The following AZIN2 variants were observed in gnomAD, a reference collection of about 807,000 sequenced individuals.
The protein encoded by AZIN2 is antizyme inhibitor 2.
Under a neutral mutation model 47.8 loss-of-function variants are expected in AZIN2, and 28 were observed. The observed-to-expected ratio is 0.59, with a 90% confidence interval of 0.43 to 0.80. AZIN2 has a LOEUF of 0.80. Ranked by LOEUF, AZIN2 falls within the 30% of genes least tolerant of loss-of-function variation. The pLI is 0.00. For missense variants in AZIN2, 535 were observed against 582.5 expected (o/e 0.92, Z 0.84); for synonymous variants, 221 against 239.4 (o/e 0.92, Z 0.71).
At chr1:33,147,246 G>A in the AZIN2 span, 2 of 1,614,076 alleles carry the variant, frequency 1.2e-6, no homozygotes, top group Non-Finnish European at 1.7e-6. This position sits in a 1 kb window ranked among gnomAD's most constrained non-coding sequence, Gnocchi z 8.1. Flanking sequence ...GGCCAGGGCT[G>A]AAGTAAGAGC....
At chr1:33,114,863 A>G (rs596194) in intron 10 of AZIN2, among the ~76,000 whole-genome samples, 47,329 of 150,522 alleles carry the variant, frequency 0.31, 7,714 homozygotes, top group African/African-American at 0.4. Flanking sequence ...GGCTGGCCTC[A>G]AACTCCTGAC....
At chr1:33,132,875 A>G in the AZIN2 span, among the ~76,000 whole-genome samples, 25 of 152,244 alleles carry the variant, frequency 1.6e-4, no homozygotes, top group African/African-American at 5.5e-4. Flanking sequence ...TAGCGGCATG[A>G]GAGGCACCTC....
intron 5 of AZIN2, among the ~76,000 whole-genome samples, chr1:33,086,718 A>G (rs897664114): frequency 6.6e-6 from 1 of 152,176 alleles, no homozygotes; most frequent in Non-Finnish European, 1.5e-5. Flanking sequence ...GGACCACTGT[A>G]TCATCTCTCC....
intron 6 of AZIN2, among the ~76,000 whole-genome samples, chr1:33,092,757 G>A (rs1006445381): frequency 3.9e-5 from 6 of 152,174 alleles, no homozygotes; most frequent in African/African-American, 9.7e-5. Flanking sequence ...GATCCTGGTC[G>A]GGGGCGGGGA....
rs1472337427 is a variant in AZIN2, at chr1:33,123,122, T to C, written c.*2940T>C. On this transcript the variant is annotated 3_prime_UTR_variant, in exon 12 of 12. Transcript: ENST00000294517. ...TCTAGAATGATCTTCCTGGGTTATC[T>C]GTGGGCCTCACTCACTTCATTCAGG... 2.0e-5 allele frequency among the ~76,000 whole-genome samples: 3 copies of C among 152,258 alleles called. No individual in the cohort carries two copies. The highest frequency in any genetic ancestry group is 7.2e-5 in the African/African-American group (3 of 41,472).
intron 10 of AZIN2, among the ~76,000 whole-genome samples, chr1:33,102,478 G>C (rs1403215417): frequency 6.6e-6 from 1 of 152,112 alleles, no homozygotes; most frequent in African/African-American, 2.4e-5. Context: ...CTTCCACGCT[G>C]CTAGCTCTTC....
chr1:33,097,272 G>A (rs1358731272), intron 9 of AZIN2, among the ~76,000 whole-genome samples: 2 of 152,140 alleles, frequency 1.3e-5, no homozygotes, highest in African/African-American at 4.8e-5. Context: ...ATAATATAAT[G>A]AAAATAATTA....
At chr1:33,161,655 C>T in the AZIN2 span, among the ~76,000 whole-genome samples, 4 of 152,124 alleles carry the variant, frequency 2.6e-5, no homozygotes, top group Admixed American at 6.5e-5. The surrounding 1 kb of genome is among the most constrained non-coding windows in gnomAD (Gnocchi z 4.3). Context: ...GCCCCCTCAC[C>T]CGGGGAGGGT....
At chr1:33,147,490 G>GCGGCTTC in the AZIN2 span, 5 of 1,608,502 alleles carry the variant, frequency 3.1e-6, no homozygotes, top group Admixed American at 3.4e-5. This position sits in a 1 kb window ranked among gnomAD's most constrained non-coding sequence, Gnocchi z 8.1. Flanking sequence ...CTTGCGGCTT[G>GCGGCTTC]CGGCTTCGTG....
intron 10 of AZIN2, among the ~76,000 whole-genome samples, chr1:33,103,658 A>G (rs1643869137): frequency 6.6e-6 from 1 of 152,150 alleles, no homozygotes. Flanking sequence ...AGGCTCTATG[A>G]GGGCAGCCAC....
At position 33,121,108 on chromosome 1, in the gene AZIN2, A is replaced by G. The variant is rs774825310; in HGVS notation, c.*926A>G. The stretch of plus-strand genomic sequence containing the variant: ...CTTATCAGGACAAAGGCTCCTTCAC[A>G]CTGCCGGGTTCCCAAATTATGCCCC... On this transcript the variant is annotated 3_prime_UTR_variant, in exon 12 of 12. Transcript: ENST00000294517. 6.6e-6 allele frequency among the ~76,000 whole-genome samples: 1 copy of G among 152,124 alleles called. No individual in the cohort carries two copies. The highest frequency in any genetic ancestry group is 1.9e-4 in the East Asian group (1 of 5,200).
At chr1:33,141,361 C>T in the AZIN2 span, among the ~76,000 whole-genome samples, 4 of 152,170 alleles carry the variant, frequency 2.6e-5, no homozygotes, top group South Asian at 2.1e-4. Flanking sequence ...AATCTCCCTC[C>T]CCTATGTGCT....
At chr1:33,147,110 T>C in the AZIN2 span, 1 of 1,550,522 alleles carries the variant, frequency 6.4e-7, no homozygotes. This position sits in a 1 kb window ranked among gnomAD's most constrained non-coding sequence, Gnocchi z 8.1. Flanking sequence ...CCAGGTCTTC[T>C]ATCTCCTGGG....
chr1:33,102,035 T>C, intron 10 of AZIN2: 2 of 627,402 alleles, frequency 3.2e-6, no homozygotes, highest in Non-Finnish European at 5.8e-6. Flanking sequence ...AGGAGTGGAA[T>C]GGCTGGGTAT....
At chr1:33,083,320 A>G (rs1236506218) in intron 4 of AZIN2, 1 of 156,220 alleles carries the variant, frequency 6.4e-6, no homozygotes, top group Non-Finnish European at 1.4e-5. Flanking sequence ...TCCCTTCCAC[A>G]TTTAAGTAAT....
chr1:33,130,075 T>G, the AZIN2 span, among the ~76,000 whole-genome samples: 1 of 152,152 alleles, frequency 6.6e-6, no homozygotes, highest in Non-Finnish European at 1.5e-5. Flanking sequence ...GTCAGGCTAG[T>G]CTCAAACTCC....
chr1:33,156,136 G>T, the AZIN2 span, among the ~76,000 whole-genome samples: 1 of 152,344 alleles, frequency 6.6e-6, no homozygotes, highest in South Asian at 2.1e-4. Context: ...CTGGGCTGCA[G>T]TCAAGACTGT....
intron 5 of AZIN2, among the ~76,000 whole-genome samples, 200 bp downstream of exon 5, chr1:33,084,327 G>T (rs950378989): frequency 6.6e-6 from 1 of 152,174 alleles, no homozygotes; most frequent in Non-Finnish European, 1.5e-5. Context: ...TGAAGTTCCA[G>T]ATTGGAATCT....
chr1:33,146,773 A>C, the AZIN2 span: 32 of 258,874 alleles, frequency 1.2e-4, no homozygotes, highest in South Asian at 7.5e-4. Flanking sequence ...GCCATGGGAC[A>C]TAAGAGGGTG....
Sources: allele counts gnomAD v4.1 joint callset (sites outside exome capture counted in the v4.1 genomes callset), GRCh38; gene constraint gnomAD v4.1.1; non-coding constraint Gnocchi (gnomAD v3.1); transcripts MANE v1.5; gene names NCBI Gene and HGNC (gene_info 2026-07-23, HGNC 2026-07-21).